Variants in ZNF470 observed in about 807,000 individuals in gnomAD.
The protein encoded by ZNF470 is zinc finger protein 470.
In ZNF470, 13 loss-of-function variants were observed where a neutral mutation model predicts 13.9. That is an observed-to-expected ratio of 0.94 (90% CI 0.61 to 1.49). The LOEUF is 1.49. Among genes scored for constraint, ZNF470 ranks in the 40% most tolerant of loss-of-function variants. The pLI, the probability that ZNF470 is intolerant of heterozygous loss-of-function variation, is 0.00. For missense variants in ZNF470, 929 were observed against 857.3 expected (o/e 1.08, Z -1.04); for synonymous variants, 293 against 282.9 (o/e 1.04, Z -0.36).
Position 56,578,802 on chromosome 19 carries a change from T to C in ZNF470, c.*219T>C. 1 of 1,226,826 alleles carries C rather than the reference T, an allele frequency of 8.2e-7. No individual in the cohort carries two copies. The highest frequency in any genetic ancestry group is 1.0e-6 in the Non-Finnish European group (1 of 979,556). 76.0% of individuals were successfully genotyped at this position (1,226,826 alleles called of 1,614,324 possible). ...TATTTTCCCATTTAAAACACTTGAT[T>C]TGAAAAATATATTAACTAATCCATT... On this transcript the variant is annotated 3_prime_UTR_variant, in exon 6 of 6. Coordinates refer to ENST00000330619, the MANE Select transcript of ZNF470 (RefSeq NM_001001668.4).
At position 56,578,850 on chromosome 19, in the gene ZNF470, C is replaced by T. The variant is rs556855009; in HGVS notation, c.*267C>T. On this transcript the variant is annotated 3_prime_UTR_variant, in exon 6 of 6. Coordinates refer to ENST00000330619, the MANE Select transcript of ZNF470 (RefSeq NM_001001668.4). ...ATTTCAAGGATTTAGCACACACTGG[C>T]ATATAGTTATTGCTAAATAAATGCT... 8.7e-7 allele frequency: 1 copy of T among 1,145,832 alleles called. No individual in the cohort carries two copies. The highest frequency in any genetic ancestry group is 4.2e-5 in the East Asian group (1 of 24,036). The allele number at this position is 1,145,832 out of a possible 1,614,324, so 71.0% of individuals were successfully genotyped here.
Position 56,581,951 on chromosome 19 carries a change from C to G in ZNF470, c.*3368C>G. 2 of 985,412 alleles carry G rather than the reference C, an allele frequency of 2.0e-6. No homozygotes were observed. The highest frequency in any genetic ancestry group is 2.4e-6 in the Non-Finnish European group (2 of 829,930). The allele number at this position is 985,412 out of a possible 1,614,324, so 61.0% of individuals were successfully genotyped here. On this transcript the variant is annotated 3_prime_UTR_variant, in exon 6 of 6. Transcript: ENST00000330619. ...TTTTGTACTTTCCAAGTCTGTGATTCCTCAAACTACCCATTGTCTTTCCGG... is the reference window on the plus strand; with the variant it reads ...TTTTGTACTTTCCAAGTCTGTGATTGCTCAAACTACCCATTGTCTTTCCGG...
At chr19:56,570,977 G>A (rs117029747) in intron 3 of ZNF470, among the ~76,000 whole-genome samples, 2,055 of 152,336 alleles carry the variant, frequency 0.013, 21 homozygotes, top group Non-Finnish European at 0.023. Context: ...CTTGGTGAGG[G>A]ATCCTTGAGC....
In ZNF470 at chr19:56,567,686, G is replaced by C. The variant is rs770153241; in HGVS notation, c.-511G>C. The C allele has an allele frequency of 2.5e-5, 25 of 987,274 alleles. No homozygotes were observed. The highest frequency in any genetic ancestry group is 2.9e-5 in the Non-Finnish European group (24 of 831,442). The allele number at this position is 987,274 out of a possible 1,614,324, so 61.2% of individuals were successfully genotyped here. A position where few individuals can be genotyped will look rare whatever the true frequency, so the allele number is the denominator to read the frequency against. On this transcript the variant is annotated 5_prime_UTR_variant, in exon 1 of 6. Transcript: ENST00000330619. ...GCGGTGCTGTGCTGAGGAGGGGCGA[G>C]CGCGCGCGGGGATGGCGGCCCGGTG...
Position 56,577,125 on chromosome 19 carries a change from CTG to C in ZNF470, c.699_700del (p.Cys233Ter). Reference protein sequence around the residue: ...GEKKLLKCNDCEKIFSKISTL... With the variant: ...GEKKLLKCNDXEKIFSKISTL... ...AAAAGAAACTTTTAAAATGTAATGA[CTG>C]TGAGAAAATATTCAGCAAAATCTCA... On this transcript the variant is annotated frameshift_variant, in exon 6 of 6. Coordinates refer to ENST00000330619, the MANE Select transcript of ZNF470 (RefSeq NM_001001668.4). LOFTEE classifies it low-confidence loss of function (END_TRUNC). 1.9e-6 allele frequency: 3 copies of C among 1,612,858 alleles called. No homozygotes were observed. Among genetic ancestry groups the C allele is most frequent in the Non-Finnish European group, 2.5e-6 (3 of 1,179,690 alleles).
Position 56,567,655 on chromosome 19 carries a change from G to C in ZNF470, c.-542G>C. The C allele has an allele frequency of 2.0e-6, 2 of 988,222 alleles. No homozygotes were observed. Among genetic ancestry groups the C allele is most frequent in the Non-Finnish European group, 1.2e-6 (1 of 832,050 alleles). The allele number at this position is 988,222 out of a possible 1,614,324, so 61.2% of individuals were successfully genotyped here. A position where few individuals can be genotyped will look rare whatever the true frequency, so the allele number is the denominator to read the frequency against. On this transcript the variant is annotated 5_prime_UTR_variant, in exon 1 of 6. Coordinates refer to ENST00000330619, the MANE Select transcript of ZNF470 (RefSeq NM_001001668.4). Reference sequence around the variant, plus strand: ...GTGGCTGTGAGTGCCCATACGTGGTGAGCGTGCGGTGCTGTGCTGAGGAGG... The same window carrying C: ...GTGGCTGTGAGTGCCCATACGTGGTCAGCGTGCGGTGCTGTGCTGAGGAGG...
Position 56,576,997 on chromosome 19 carries a change from A to G in ZNF470, c.568A>G (p.Lys190Glu). The G allele has an allele frequency of 6.3e-7, 1 of 1,586,838 alleles. No individual in the cohort carries two copies. The highest frequency in any genetic ancestry group is 1.2e-5 in the South Asian group (1 of 86,172). ...TCATCTGAATACATTATCTTATATA[A>G]AACAGATTTTTCCCATGGAAGAGAG... ...VFHLNTLSYI[K>E]QIFPMEERIF... The change falls in exon 6 of 6, where the codon AAA becomes GAA. Residue 190 changes from lysine (K) to glutamate (E), a missense_variant. Transcript: ENST00000330619.
At position 56,578,969 on chromosome 19, in the gene ZNF470, A is replaced by G; in HGVS notation, c.*386A>G. On this transcript the variant is annotated 3_prime_UTR_variant, in exon 6 of 6. Transcript: ENST00000330619. ...AAGACTAAGATTTTAGAGCAGACAG[A>G]AGACTACTCTCCTGGTAGAGAGGAA... The G allele has an allele frequency of 1.0e-6, 1 of 996,828 alleles. No individual in the cohort carries two copies. The highest frequency in any genetic ancestry group is 1.2e-6 in the Non-Finnish European group (1 of 837,912). 61.7% of individuals were successfully genotyped at this position (996,828 alleles called of 1,614,324 possible). A position where few individuals can be genotyped will look rare whatever the true frequency, so the allele number is the denominator to read the frequency against.
At chr19:56,569,671 C>T (rs2044436171) in intron 2 of ZNF470, among the ~76,000 whole-genome samples, 1 of 152,132 alleles carries the variant, frequency 6.6e-6, no homozygotes, top group South Asian at 2.1e-4. Context: ...GACATGGTGG[C>T]TCATGCTTGT....
At position 56,582,018 on chromosome 19, in the gene ZNF470, AAG is replaced by A. The variant is rs2044539852; in HGVS notation, c.*3437_*3438del. ...CCTGTTGGTCAGTTGCTTGCAAGTA[AAG>A]AAACAATCATACAGAATTTGGTACG... On this transcript the variant is annotated 3_prime_UTR_variant, in exon 6 of 6. Transcript: ENST00000330619. 1.0e-6 allele frequency: 1 copy of A among 985,272 alleles called. No individual in the cohort carries two copies. The allele number at this position is 985,272 out of a possible 1,614,324, so 61.0% of individuals were successfully genotyped here. A position where few individuals can be genotyped will look rare whatever the true frequency, so the allele number is the denominator to read the frequency against.
At chr19:56,574,160 C>A in intron 3 of ZNF470, 1 of 687,582 alleles carries the variant, frequency 1.5e-6, no homozygotes, top group South Asian at 1.7e-5. Context: ...CCTAGAATTG[C>A]AAATGTTTGA....
In ZNF470 at chr19:56,581,009, A is replaced by C. The variant is rs1419476173; in HGVS notation, c.*2426A>C. 6.1e-6 allele frequency: 6 copies of C among 985,168 alleles called. No homozygotes were observed. Among genetic ancestry groups the C allele is most frequent in the Non-Finnish European group, 7.2e-6 (6 of 829,808 alleles). 61.0% of individuals were successfully genotyped at this position (985,168 alleles called of 1,614,324 possible). A position where few individuals can be genotyped will look rare whatever the true frequency, so the allele number is the denominator to read the frequency against. ...TAATATATATGTACCCTCGGTTTGAAATAGACTTTAAGCACTAATGCATAA... is the reference window on the plus strand; with the variant it reads ...TAATATATATGTACCCTCGGTTTGACATAGACTTTAAGCACTAATGCATAA... On this transcript the variant is annotated 3_prime_UTR_variant, in exon 6 of 6. Transcript: ENST00000330619.
At position 56,576,757 on chromosome 19, in the gene ZNF470, G is replaced by A. The variant is rs1490374568; in HGVS notation, c.328G>A (p.Asp110Asn). 1 of 1,514,956 alleles carries A rather than the reference G, an allele frequency of 6.6e-7. No homozygotes were observed. Among genetic ancestry groups the A allele is most frequent in the Non-Finnish European group, 8.8e-7 (1 of 1,136,374 alleles). 93.8% of individuals were successfully genotyped at this position (1,514,956 alleles called of 1,614,324 possible). ...GACCAAATCATTATCTTTAAACCAG[G>A]ATATTTATGAAGAAAAATTACCCCC... is the stretch of plus-strand genomic sequence containing the variant. ...WVTKSLSLNQ[D>N]IYEEKLPPAI... The change falls in exon 6 of 6, where the codon GAT becomes AAT. Residue 110 changes from aspartate to asparagine, a missense_variant. Transcript: ENST00000330619.
At chr19:56,573,913 ATACC>A in intron 3 of ZNF470, 2 of 976,398 alleles carry the variant, frequency 2.0e-6, no homozygotes, top group Non-Finnish European at 2.4e-6. Context: ...TTTTTTAGGC[ATACC>A]TCTTAACATC....
chr19:56,574,496 A>C lies in ZNF470; in HGVS notation c.163A>C (p.Asn55His). ...RSLYKKVMLE[N>H]YRNLVSVGLC... is the part of the protein sequence containing the mutation. ...TTTGTACAAGAAGGTGATGTTAGAA[A>C]ACTACAGGAACCTAGTTTCAGTGGG... is the stretch of plus-strand genomic sequence containing the variant. Residue 55 changes from asparagine to histidine, a missense_variant, in exon 4 of 6, where the codon AAC (asparagine) becomes CAC (histidine). Asn to His is a moderately conservative substitution (Grantham distance 68, BLOSUM62 1). Coordinates refer to ENST00000330619, the MANE Select transcript of ZNF470 (RefSeq NM_001001668.4). The C allele has an allele frequency of 6.2e-7, 1 of 1,613,862 alleles. No individual in the cohort carries two copies. Among genetic ancestry groups the C allele is most frequent in the Non-Finnish European group, 8.5e-7 (1 of 1,179,782 alleles).
chr19:56,567,849 C>T lies in ZNF470; in HGVS notation c.-348C>T, dbSNP rs529094076. 1.1e-5 allele frequency: 11 copies of T among 986,118 alleles called. No homozygotes were observed. The South Asian group carries it at 4.2e-4, about 38-fold the overall frequency. 61.1% of individuals were successfully genotyped at this position (986,118 alleles called of 1,614,324 possible). A position where few individuals can be genotyped will look rare whatever the true frequency, so the allele number is the denominator to read the frequency against. On this transcript the variant is annotated 5_prime_UTR_variant, in exon 1 of 6. Transcript: ENST00000330619. Reference sequence around the variant, plus strand: ...AAACCCGGCCGGAGGAGGCTTACCCCGTTCTCCCCTGTATCGACTGCGTAG... The same window carrying T: ...AAACCCGGCCGGAGGAGGCTTACCCTGTTCTCCCCTGTATCGACTGCGTAG...
intron 5 of ZNF470, among the ~76,000 whole-genome samples, chr19:56,576,281 A>G (rs929369936): frequency 6.6e-6 from 1 of 152,168 alleles, no homozygotes; most frequent in East Asian, 1.9e-4. Context: ...TTGTATAGGA[A>G]CTGCCTCCCC....
rs1425699696 is a variant in ZNF470 at position 56,578,711 on chromosome 19, T to C, written c.*128T>C. The C allele has an allele frequency of 1.5e-6, 2 of 1,310,680 alleles. No individual in the cohort carries two copies. Among genetic ancestry groups the C allele is most frequent in the Non-Finnish European group, 1.9e-6 (2 of 1,028,990 alleles). The allele number at this position is 1,310,680 out of a possible 1,614,324, so 81.2% of individuals were successfully genotyped here. On this transcript the variant is annotated 3_prime_UTR_variant, in exon 6 of 6. Coordinates refer to ENST00000330619, the MANE Select transcript of ZNF470 (RefSeq NM_001001668.4). ...GCATAACTGTTGCCCCTTTTGCTTC[T>C]ATCAACTACATGTTTAACACTGTAG... is the stretch of plus-strand genomic sequence containing the variant.
Position 56,580,116 on chromosome 19 carries a change from G to T in ZNF470, c.*1533G>T, listed in dbSNP as rs1244896901. 15 of 981,520 alleles carry T rather than the reference G, an allele frequency of 1.5e-5. No individual in the cohort carries two copies. Among genetic ancestry groups the T allele is most frequent in the Non-Finnish European group, 1.7e-5 (14 of 826,460 alleles). 60.8% of individuals were successfully genotyped at this position (981,520 alleles called of 1,614,324 possible). On this transcript the variant is annotated 3_prime_UTR_variant, in exon 6 of 6. Transcript: ENST00000330619. Reference sequence around the variant, plus strand: ...GAGAAATGATATAAAAAAGAAGCTAGGGAGTGCTGGATCAGGCACCTTACT... The same window carrying T: ...GAGAAATGATATAAAAAAGAAGCTATGGAGTGCTGGATCAGGCACCTTACT...
Sources: allele counts gnomAD v4.1 joint callset (sites outside exome capture counted in the v4.1 genomes callset), GRCh38; gene constraint gnomAD v4.1.1; transcripts MANE v1.5; gene names NCBI Gene and HGNC (gene_info 2026-07-23, HGNC 2026-07-21).